Variants in ANKRD10 observed in about 807,000 individuals in gnomAD.
ANKRD10 encodes ankyrin repeat domain 10.
Under a neutral mutation model 27.0 loss-of-function variants are expected in ANKRD10, and 14 were observed. The ratio of observed to expected loss-of-function variants is 0.52; its 90% CI spans 0.34 to 0.81. The LOEUF is 0.81. Ranked by LOEUF, ANKRD10 falls within the 40% of genes least tolerant of loss-of-function variation. The pLI, the probability that ANKRD10 is intolerant of heterozygous loss-of-function variation, is 0.01. For synonymous variants in ANKRD10, 250 were observed against 224.5 expected (o/e 1.11, Z -1.01); for missense variants, 493 against 544.0 (o/e 0.91, Z 0.93).
At chr13:110,901,214 C>T (rs924734619) in intron 3 of ANKRD10, among the ~76,000 whole-genome samples, 1 of 151,846 alleles carries the variant, frequency 6.6e-6, no homozygotes, top group Non-Finnish European at 1.5e-5. Flanking sequence ...TATTTTTAAC[C>T]CTTTGGTATC....
At chr13:110,891,416 TTA>T (rs1264391224) in intron 4 of ANKRD10, among the ~76,000 whole-genome samples, 1 of 152,244 alleles carries the variant, frequency 6.6e-6, no homozygotes, top group Non-Finnish European at 1.5e-5. Flanking sequence ...CATGTCATGC[TTA>T]TGATTTTAGC....
At chr13:110,887,052 G>A (rs1382627288) in intron 4 of ANKRD10, among the ~76,000 whole-genome samples, 6 of 152,294 alleles carry the variant, frequency 3.9e-5, no homozygotes, top group Non-Finnish European at 5.9e-5. Flanking sequence ...CAAGCCAGGT[G>A]TGGTCACTGC....
intron 4 of ANKRD10, among the ~76,000 whole-genome samples, chr13:110,889,043 A>G (rs1370567886): frequency 1.3e-5 from 2 of 152,186 alleles, no homozygotes; most frequent in Non-Finnish European, 2.9e-5. Context: ...ATTATCAATC[A>G]GCAAAATCAA....
chr13:110,881,622 AAAAC>A (rs2064821720), intron 5 of ANKRD10, among the ~76,000 whole-genome samples: 2 of 152,388 alleles, frequency 1.3e-5, no homozygotes, highest in African/African-American at 2.4e-5. Context: ...AAACTGAAAT[AAAAC>A]AAGTTATTCC....
At chr13:110,886,974 C>T (rs1046859444) in intron 4 of ANKRD10, among the ~76,000 whole-genome samples, 9 of 152,168 alleles carry the variant, frequency 5.9e-5, no homozygotes, top group African/African-American at 1.7e-4. Flanking sequence ...TGAGACACAA[C>T]GTTCAGGATG....
chr13:110,913,436 T>G (rs2065779833), intron 1 of ANKRD10, among the ~76,000 whole-genome samples: 1 of 152,246 alleles, frequency 6.6e-6, no homozygotes, highest in South Asian at 2.1e-4. Context: ...GGTACTACGG[T>G]TGCACAACTT....
At chr13:110,909,122 T>C (rs1377750762) in intron 2 of ANKRD10, among the ~76,000 whole-genome samples, 2 of 152,204 alleles carry the variant, frequency 1.3e-5, no homozygotes, top group Non-Finnish European at 2.9e-5. Context: ...GGCTTCTTGA[T>C]TTAAAAAGGT....
chr13:110,913,597 AC>A (rs1302756054), intron 1 of ANKRD10, among the ~76,000 whole-genome samples: 1 of 152,212 alleles, frequency 6.6e-6, no homozygotes, highest in East Asian at 1.9e-4. Flanking sequence ...TCCAAAAGAC[AC>A]AGCTGCTTTG....
intron 2 of ANKRD10, among the ~76,000 whole-genome samples, chr13:110,909,538 C>T (rs991051031): frequency 6.6e-6 from 1 of 152,220 alleles, no homozygotes; most frequent in African/African-American, 2.4e-5. Context: ...AAACTTGTCC[C>T]ATATCCCACA....
chr13:110,904,658 A>G (rs915778421), intron 3 of ANKRD10, among the ~76,000 whole-genome samples: 7 of 152,260 alleles, frequency 4.6e-5, no homozygotes, highest in Middle Eastern at 3.2e-3. Context: ...AAAATGCACA[A>G]ATAACTTTGC....
At chr13:110,894,129 C>G (rs1389867370) in intron 3 of ANKRD10, 4 of 1,610,872 alleles carry the variant, frequency 2.5e-6, no homozygotes, top group Non-Finnish European at 3.4e-6. Flanking sequence ...TGAATTAAAA[C>G]TGAGGGATCA....
chr13:110,890,051 ATTTCT>A (rs1027095142), intron 4 of ANKRD10, among the ~76,000 whole-genome samples: 1 of 152,204 alleles, frequency 6.6e-6, no homozygotes, highest in Non-Finnish European at 1.5e-5. Context: ...AGAATTTATC[ATTTCT>A]TTTACTCTGG....
At position 110,879,799 on chromosome 13, in the gene ANKRD10, G is replaced by A. The variant is rs752969527; in HGVS notation, c.1101C>T (p.Asp367=). 3 of 1,614,236 alleles carry A rather than the reference G, an allele frequency of 1.9e-6. No homozygotes were observed. Among genetic ancestry groups the A allele is most frequent in the Admixed American group, 3.3e-5 (2 of 60,032 alleles). ...CIASRPSWVE[D]IGDNLYYGHY... ...GTCCATAGTACAGGTTATCCCCAATGTCTTCCACCCAGGAAGGCCTACTGG... is the reference window on the plus strand; with the variant it reads ...GTCCATAGTACAGGTTATCCCCAATATCTTCCACCCAGGAAGGCCTACTGG... Residue 367 remains aspartate, a synonymous_variant, in exon 6 of 6, where the codon GAC becomes GAT. Transcript: ENST00000267339.
chr13:110,914,529 C>T (rs113971171), intron 1 of ANKRD10, 196 bp downstream of exon 1: 3 of 702,374 alleles, frequency 4.3e-6, no homozygotes, highest in Non-Finnish European at 5.9e-6. Flanking sequence ...CCCGCGCCCC[C>T]CGGCTGCCCC....
chr13:110,900,671 ATCAAG>A (rs993173766), intron 3 of ANKRD10: 1 of 1,351,750 alleles, frequency 7.4e-7, no homozygotes, highest in African/African-American at 1.5e-5. Context: ...ACTTGAAAAA[ATCAAG>A]TCAATTCGAA....
At chr13:110,913,105 C>A (rs952792947) in intron 1 of ANKRD10, among the ~76,000 whole-genome samples, 1 of 152,134 alleles carries the variant, frequency 6.6e-6, no homozygotes, top group African/African-American at 2.4e-5. Context: ...CTATTTTAAT[C>A]CCCAGAGACA....
intron 4 of ANKRD10, among the ~76,000 whole-genome samples, chr13:110,889,012 T>A (rs1452269845): frequency 6.8e-6 from 1 of 147,960 alleles, no homozygotes; most frequent in Non-Finnish European, 1.5e-5. Context: ...TCCCCACGAC[T>A]CTAGAGCTCC....
chr13:110,908,961 GC>G (rs1394410159), intron 2 of ANKRD10, among the ~76,000 whole-genome samples: 3 of 152,218 alleles, frequency 2.0e-5, no homozygotes, highest in Admixed American at 6.5e-5. Context: ...TTAGGATCCT[GC>G]CTGGGAAGAA....
chr13:110,884,258 G>A (rs903123263), intron 4 of ANKRD10, among the ~76,000 whole-genome samples: 1 of 152,138 alleles, frequency 6.6e-6, no homozygotes, highest in Non-Finnish European at 1.5e-5. Context: ...AGACTAGTCT[G>A]TCAGCACTGT....
Sources: allele counts gnomAD v4.1 joint callset (sites outside exome capture counted in the v4.1 genomes callset), GRCh38; gene constraint gnomAD v4.1.1; transcripts MANE v1.5; gene names NCBI Gene and HGNC (gene_info 2026-07-23, HGNC 2026-07-21).